Variants in TTLL5 observed in about 807,000 individuals in gnomAD.
TTLL5 encodes the protein tubulin tyrosine ligase like 5.
In TTLL5, 132 loss-of-function variants were observed where a neutral mutation model predicts 168.4. That is an observed-to-expected ratio of 0.78 (90% CI 0.68 to 0.91). The LOEUF (loss-of-function observed/expected upper bound fraction) is 0.91, where lower values mean the gene tolerates loss of function less well. TTLL5 is among the 40% of genes least tolerant of loss of function. TTLL5 has a pLI of 0.00. For missense variants in TTLL5, 1,545 were observed against 1,581.5 expected (o/e 0.98, Z 0.39); for synonymous variants, 546 against 558.6 (o/e 0.98, Z 0.32).
At chr14:75,787,709 G>T (rs990511401) in intron 26 of TTLL5, among the ~76,000 whole-genome samples, 2 of 152,104 alleles carry the variant, frequency 1.3e-5, no homozygotes, top group African/African-American at 4.8e-5. Context: ...CGCCTCAAGC[G>T]TACATGATAT....
At chr14:75,697,414 T>C (rs1885950258) in intron 6 of TTLL5, among the ~76,000 whole-genome samples, 1 of 152,338 alleles carries the variant, frequency 6.6e-6, no homozygotes, top group Non-Finnish European at 1.5e-5. Context: ...TTTTAAATTC[T>C]GTGCGGCACA....
chr14:75,885,693 A>G (rs879263316), intron 30 of TTLL5, among the ~76,000 whole-genome samples: 2 of 152,222 alleles, frequency 1.3e-5, no homozygotes, highest in African/African-American at 4.8e-5. Context: ...CCTGAGTATC[A>G]GTTGATATAT....
chr14:75,662,250 A>T (rs1056219775), intron 1 of TTLL5, among the ~76,000 whole-genome samples: 6 of 151,088 alleles, frequency 4.0e-5, no homozygotes, highest in African/African-American at 1.2e-4. Context: ...TGTTGAATTT[A>T]TTTTACTGGA....
chr14:75,766,117 G>A lies in TTLL5; in HGVS notation c.1764G>A (p.Glu588=), dbSNP rs375691247. The change falls in exon 20 of 32, where the codon GAG becomes GAA. Residue 588 remains glutamate (E), a synonymous_variant. Transcript: ENST00000298832. ...NVKTETESEE[E]EEVALDNEDE... is the part of the protein sequence containing the mutation. ...AAACTGAGACAGAGAGTGAAGAGGA[G>A]GAAGAAGTCGCATTAGATAATGAAG... is the stretch of plus-strand genomic sequence containing the variant. The A allele has an allele frequency of 3.7e-6, 6 of 1,613,844 alleles. No individual in the cohort carries two copies. Among genetic ancestry groups the A allele is most frequent in the Non-Finnish European group, 5.1e-6 (6 of 1,179,980 alleles).
intron 18 of TTLL5, among the ~76,000 whole-genome samples, chr14:75,763,119 A>T (rs1048730179): frequency 1.4e-4 from 21 of 150,602 alleles, no homozygotes; most frequent in African/African-American, 4.5e-4. Flanking sequence ...GACCAAGTTT[A>T]AAAAAAAATA....
intron 31 of TTLL5, among the ~76,000 whole-genome samples, chr14:75,912,356 G>A (rs2033427728): frequency 6.6e-6 from 1 of 152,192 alleles, no homozygotes; most frequent in Non-Finnish European, 1.5e-5. Context: ...TAGTATGATT[G>A]TGTGATACAA....
chr14:75,938,191 C>T (rs1158275048), intron 31 of TTLL5, among the ~76,000 whole-genome samples: 3 of 152,134 alleles, frequency 2.0e-5, no homozygotes, highest in South Asian at 2.1e-4. Flanking sequence ...AGTCAAGTTT[C>T]GATGATGACT....
chr14:75,812,368 C>A (rs1009210583), intron 27 of TTLL5, among the ~76,000 whole-genome samples: 2 of 152,184 alleles, frequency 1.3e-5, no homozygotes, highest in African/African-American at 4.8e-5. Flanking sequence ...TAGAGGGAGG[C>A]AGGGGCAGAG....
chr14:75,683,780 T>C, intron 5 of TTLL5, 124 bp downstream of exon 5: 1 of 750,744 alleles, frequency 1.3e-6, no homozygotes, highest in East Asian at 3.0e-5. Context: ...GAAGGACTTT[T>C]TTTTTTTTTT....
intron 2 of TTLL5, among the ~76,000 whole-genome samples, chr14:75,665,715 G>A (rs1883203467): frequency 6.6e-6 from 1 of 152,068 alleles, no homozygotes; most frequent in African/African-American, 2.4e-5. Flanking sequence ...AAAATTAGCC[G>A]GGTGTGGTTG....
chr14:75,925,781 G>C (rs1307285157), intron 31 of TTLL5, among the ~76,000 whole-genome samples: 1 of 152,050 alleles, frequency 6.6e-6, no homozygotes, highest in Admixed American at 6.5e-5. Flanking sequence ...GAGTGAACCA[G>C]ACTCCGTCTG....
At chr14:75,730,364 GAA>G (rs778725703) in intron 12 of TTLL5, among the ~76,000 whole-genome samples, 2 of 152,164 alleles carry the variant, frequency 1.3e-5, no homozygotes, top group African/African-American at 4.8e-5. Context: ...ATTGCGAAAA[GAA>G]GAGATGAAAG....
intron 28 of TTLL5, among the ~76,000 whole-genome samples, chr14:75,837,660 T>G (rs1003649030): frequency 1.3e-5 from 2 of 152,230 alleles, no homozygotes; most frequent in African/African-American, 4.8e-5. Flanking sequence ...TGATTTTGAC[T>G]ACTCTAGGTA....
chr14:75,727,744 G>T, intron 12 of TTLL5: 1 of 406,194 alleles, frequency 2.5e-6, no homozygotes, highest in Non-Finnish European at 5.0e-6. Flanking sequence ...CATGGTAGAT[G>T]AAAGAAACCA....
intron 28 of TTLL5, among the ~76,000 whole-genome samples, chr14:75,859,342 C>T (rs1263422351): frequency 6.6e-6 from 1 of 152,158 alleles, no homozygotes; most frequent in Non-Finnish European, 1.5e-5. Flanking sequence ...TGCAGTGCCA[C>T]AGTACAATAT....
At chr14:75,757,747 T>C (rs1890369590) in intron 18 of TTLL5, 1 of 1,247,738 alleles carries the variant, frequency 8.0e-7, no homozygotes, top group Non-Finnish European at 1.1e-6. Context: ...GTATTAAAAA[T>C]TTCTGGAGTG....
chr14:75,884,574 G>A (rs1280585309), intron 30 of TTLL5, among the ~76,000 whole-genome samples: 2 of 152,152 alleles, frequency 1.3e-5, no homozygotes, highest in African/African-American at 4.8e-5. Flanking sequence ...CAGAAGGGGG[G>A]AAAAAGCGGA....
intron 13 of TTLL5, 135 bp downstream of exon 13, chr14:75,732,554 C>T: frequency 1.5e-6 from 1 of 685,200 alleles, no homozygotes. Flanking sequence ...ACCAGACTTT[C>T]TTAAATCAGC....
At position 75,902,545 on chromosome 14, in the gene TTLL5, A is replaced by C. The variant is rs1472572666; in HGVS notation, c.3823+321A>C. 5 of 507,480 alleles carry C rather than the reference A, an allele frequency of 9.9e-6. No homozygotes were observed. In the East Asian group the frequency reaches 2.2e-4, roughly 22 times the overall value. 31.4% of individuals were successfully genotyped at this position (507,480 alleles called of 1,614,324 possible). ...TCTATGTTGTATTTCCGCATGTTGT[A>C]TCTCTCACTTAATTCTCACACAGCC... On this transcript the variant is annotated intron_variant, in intron 31 of 31. Transcript: ENST00000298832.
Sources: gnomAD v4.1 joint callset for allele counts (sites outside exome capture counted in the v4.1 genomes callset) on GRCh38, gnomAD v4.1.1 for gene constraint, MANE v1.5 for transcripts, NCBI Gene and HGNC (gene_info 2026-07-23, HGNC 2026-07-21) for gene names.